The following STAT5B variants were observed in gnomAD, a reference collection of about 807,000 sequenced individuals.
The protein encoded by STAT5B is transcription factor STAT5B.
In STAT5B, 21 loss-of-function variants were observed where a neutral mutation model predicts 107.8. The observed-to-expected ratio is 0.19, with a 90% CI of 0.14 to 0.28. The LOEUF (loss-of-function observed/expected upper bound fraction) is 0.28, where lower values mean the gene tolerates loss of function less well. Among genes scored for constraint, STAT5B ranks in the 10% least tolerant of loss-of-function variants. STAT5B has a pLI of 1.00. For missense variants in STAT5B, 565 were observed against 1,008.2 expected, an observed-to-expected ratio of 0.56 and a Z score of 5.95; for synonymous variants, 325 against 401.7, an observed-to-expected ratio of 0.81 and a Z score of 2.28.
At chr17:42,288,203 T>TC in the STAT5B span, 2 of 151,896 alleles carry the variant, frequency 1.3e-5, no homozygotes. The surrounding 1 kb of genome is among the most constrained non-coding windows in gnomAD (Gnocchi z 4.8). Flanking sequence ...ACAACCACAT[T>TC]CCCCCGGCTA....
chr17:42,221,768 G>T (rs1160010299), intron 5 of STAT5B, among the ~76,000 whole-genome samples: 1 of 152,132 alleles, frequency 6.6e-6, no homozygotes, highest in African/African-American at 2.4e-5. Context: ...CTGGCCTCAG[G>T]GTACAGAGAT....
intron 13 of STAT5B, 49 bp from the exon 14 acceptor site, chr17:42,210,546 G>T: frequency 6.7e-7 from 1 of 1,484,270 alleles, no homozygotes. Flanking sequence ...GTAACACTTG[G>T]AATATTATAC....
chr17:42,281,200 G>A (rs2080794546), upstream of STAT5B, among the ~76,000 whole-genome samples: 1 of 151,894 alleles, frequency 6.6e-6, no homozygotes, highest in South Asian at 2.1e-4. Flanking sequence ...GGTACTTAAT[G>A]TCTCTGAGGA....
intron 12 of STAT5B, among the ~76,000 whole-genome samples, chr17:42,212,577 G>C (rs1288017038): frequency 6.6e-6 from 1 of 152,238 alleles, no homozygotes; most frequent in African/African-American, 2.4e-5. Context: ...GTGCGTATGT[G>C]TGCACACGTG....
rs753358464 is a variant in STAT5B at position 42,206,385 on chromosome 17, C to T, written c.2077+1173G>A. Among the ~76,000 whole-genome samples the T allele has an allele frequency of 1.1e-4, 17 of 151,784 alleles. 1 individual carries two copies. The highest frequency in any genetic ancestry group is 2.0e-4 in the Admixed American group (3 of 15,218). ...GATTACAGGCATGAGCCACCGCGCCCGGCCTGAATATGTTTCCTTGTTTAT... is the reference window on the plus strand; with the variant it reads ...GATTACAGGCATGAGCCACCGCGCCTGGCCTGAATATGTTTCCTTGTTTAT... On this transcript the variant is annotated intron_variant, in intron 16 of 18. Transcript: ENST00000293328.
chr17:42,265,034 C>T (rs1434689442), intron 1 of STAT5B, among the ~76,000 whole-genome samples: 52 of 129,454 alleles, frequency 4.0e-4, no homozygotes, highest in African/African-American at 1.3e-3. Flanking sequence ...TCATGTCCTT[C>T]GCCCACTTTT....
chr17:42,222,906 A>C (rs1262795297), intron 5 of STAT5B, among the ~76,000 whole-genome samples: 1 of 150,950 alleles, frequency 6.6e-6, no homozygotes, highest in Non-Finnish European at 1.5e-5. Context: ...CTGGTCTCGA[A>C]CTCCTGACCT....
chr17:42,253,698 C>T (rs1007921583), intron 1 of STAT5B, among the ~76,000 whole-genome samples: 3 of 152,040 alleles, frequency 2.0e-5, no homozygotes, highest in Admixed American at 6.6e-5. Flanking sequence ...TTTTTAGAGA[C>T]AGGGTCTTGT....
chr17:42,214,118 G>A, intron 12 of STAT5B: 1 of 724,882 alleles, frequency 1.4e-6, no homozygotes, highest in Non-Finnish European at 1.7e-6. Context: ...ACTCCAGCCT[G>A]GGTGACAGAG....
At chr17:42,255,900 T>C (rs2080539915) in intron 1 of STAT5B, among the ~76,000 whole-genome samples, 2 of 152,070 alleles carry the variant, frequency 1.3e-5, no homozygotes, top group East Asian at 1.9e-4. Flanking sequence ...CCACCCTGGT[T>C]AACATGGTGA....
chr17:42,214,867 A>G (rs535726043), intron 12 of STAT5B, among the ~76,000 whole-genome samples: 86 of 151,990 alleles, frequency 5.7e-4, no homozygotes, highest in African/African-American at 2.1e-3. Context: ...CTCCCGCCTC[A>G]GCCCCCCCCA....
At chr17:42,206,596 CAG>C (rs2144207025) in intron 16 of STAT5B, among the ~76,000 whole-genome samples, 1 of 152,246 alleles carries the variant, frequency 6.6e-6, no homozygotes, top group African/African-American at 2.4e-5. Flanking sequence ...GTTTTTGAGA[CAG>C]AGTTTCACTC....
At chr17:42,262,862 ATATG>A (rs1598337941) in intron 1 of STAT5B, among the ~76,000 whole-genome samples, 2 of 129,908 alleles carry the variant, frequency 1.5e-5, no homozygotes, top group Admixed American at 7.9e-5. Context: ...ATACACACAT[ATATG>A]TGTGTGTATA....
At chr17:42,279,295 TAG>T (rs1467765620), upstream of STAT5B, among the ~76,000 whole-genome samples, 3 of 152,212 alleles carry the variant, frequency 2.0e-5, no homozygotes, top group East Asian at 5.8e-4. Flanking sequence ...AATGTGGTGA[TAG>T]AGACAGTACC....
intron 1 of STAT5B, among the ~76,000 whole-genome samples, chr17:42,242,372 G>A (rs916372955): frequency 6.6e-6 from 1 of 152,114 alleles, no homozygotes; most frequent in African/African-American, 2.4e-5. Flanking sequence ...ACAGCATTTA[G>A]TCTCAAAGTA....
At chr17:42,283,938 G>A in the STAT5B span, among the ~76,000 whole-genome samples, 1 of 152,114 alleles carries the variant, frequency 6.6e-6, no homozygotes, top group African/African-American at 2.4e-5. Context: ...CAAGGTGGGG[G>A]TGAAACAGGA....
intron 12 of STAT5B, chr17:42,214,660 A>T: frequency 1.0e-6 from 1 of 976,596 alleles, no homozygotes; most frequent in Non-Finnish European, 1.2e-6. Flanking sequence ...AGAGAAGGAC[A>T]TGCTCTTATG....
Position 42,219,730 on chromosome 17 carries a change from T to C in STAT5B, c.663A>G (p.Thr221=). 3 of 1,607,394 alleles carry C rather than the reference T, an allele frequency of 1.9e-6. No homozygotes were observed. The highest frequency in any genetic ancestry group is 2.5e-6 in the Non-Finnish European group (3 of 1,177,716). ...LEAWLQREAQ[T]LQQYRVELAE... ...CACTCACCACGCGGTACTGCTGCAGTGTCTGTGCCTCACGCTGCAACCAGG... is the reference window on the plus strand; with the variant it reads ...CACTCACCACGCGGTACTGCTGCAGCGTCTGTGCCTCACGCTGCAACCAGG... The change falls in exon 6 of 19, where the codon ACA becomes ACG. Residue 221 remains threonine (T), a synonymous_variant. Transcript: ENST00000293328.
intron 1 of STAT5B, among the ~76,000 whole-genome samples, chr17:42,275,772 C>G (rs960773501): frequency 3.3e-5 from 5 of 151,800 alleles, no homozygotes; most frequent in African/African-American, 9.7e-5. Context: ...GCTAATACCC[C>G]CCACCGCACC....
Sources: allele counts gnomAD v4.1 joint callset (sites outside exome capture counted in the v4.1 genomes callset), GRCh38; gene constraint gnomAD v4.1.1; non-coding constraint Gnocchi (gnomAD v3.1); transcripts MANE v1.5; gene names NCBI Gene and HGNC (gene_info 2026-07-23, HGNC 2026-07-21).